Variants in FMO5 observed in about 807,000 individuals in gnomAD.
FMO5 encodes the protein flavin-containing monooxygenase 5.
Under a neutral mutation model 43.6 loss-of-function variants are expected in FMO5, and 51 were observed. The observed-to-expected ratio is 1.17, with a 90% confidence interval of 0.93 to 1.48. The LOEUF (loss-of-function observed/expected upper bound fraction) is 1.48, where lower values mean the gene tolerates loss of function less well. Among genes scored for constraint, FMO5 ranks in the 40% most tolerant of loss-of-function variants. The pLI is 0.00. For missense variants in FMO5, 644 were observed against 643.0 expected, an observed-to-expected ratio of 1.00 and a Z score of -0.02; for synonymous variants, 187 against 216.5, an observed-to-expected ratio of 0.86 and a Z score of 1.20.
chr1:147,191,198 C>T (rs587646191), intron 7 of FMO5, among the ~76,000 whole-genome samples: 1 of 152,200 alleles, frequency 6.6e-6, no homozygotes, highest in African/African-American at 2.4e-5. Flanking sequence ...GGTATATACC[C>T]AGTAATGGGA....
At chr1:147,224,035 G>A (rs782274630) in intron 2 of FMO5, 102 of 415,094 alleles carry the variant, frequency 2.5e-4, no homozygotes, top group Admixed American at 6.1e-4. Context: ...CACACGATGC[G>A]GATCCCATCG....
At chr1:147,223,445 A>T (rs1173183555) in intron 2 of FMO5, 1 of 152,278 alleles carries the variant, frequency 6.6e-6, no homozygotes, top group Non-Finnish European at 1.5e-5. Context: ...ACAATGTGTT[A>T]GTTTTTATGA....
chr1:147,223,975 C>A, intron 2 of FMO5: 1 of 406,930 alleles, frequency 2.5e-6, no homozygotes, highest in South Asian at 1.8e-5. Context: ...CAGGGGTTAA[C>A]ACAATCACCA....
At chr1:147,192,262 T>G (rs1374536689) in intron 7 of FMO5, among the ~76,000 whole-genome samples, 1 of 152,116 alleles carries the variant, frequency 6.6e-6, no homozygotes, top group African/African-American at 2.4e-5. Flanking sequence ...TATTTTATTC[T>G]CTTTGAAGCA....
chr1:147,200,714 G>A (rs868919950), intron 7 of FMO5, among the ~76,000 whole-genome samples: 1 of 151,424 alleles, frequency 6.6e-6, no homozygotes, highest in Non-Finnish European at 1.5e-5. Context: ...CTTAATTTTC[G>A]GCCGAAATAA....
intron 6 of FMO5, chr1:147,204,186 TCATGCCATCAAAAGGACAAGAGTA>T: frequency 7.3e-7 from 1 of 1,361,442 alleles, no homozygotes; most frequent in Non-Finnish European, 1.1e-6. Flanking sequence ...GTTTCTGTTA[TCATGCCATCAAAAGGACAAGAGTA>T]CACTGCTATT....
chr1:147,191,771 C>A (rs1163543644), intron 7 of FMO5, among the ~76,000 whole-genome samples: 3 of 151,994 alleles, frequency 2.0e-5, no homozygotes, highest in Non-Finnish European at 4.4e-5. Flanking sequence ...ATAGGGAATC[C>A]TTTCCCCATT....
intron 8 of FMO5, among the ~76,000 whole-genome samples, chr1:147,188,458 G>A (rs1362746042): frequency 1.4e-5 from 2 of 147,264 alleles, no homozygotes; most frequent in Non-Finnish European, 3.0e-5. Context: ...AGGAAGTGGA[G>A]GTTGCAGTGA....
At chr1:147,208,772 G>T in intron 6 of FMO5, 80 bp downstream of exon 6, 1 of 1,171,790 alleles carries the variant, frequency 8.5e-7, no homozygotes, top group Non-Finnish European at 1.3e-6. Context: ...GGTAGAGGTG[G>T]CTTTACTATT....
At chr1:147,202,750 G>A (rs1659256678) in intron 6 of FMO5, among the ~76,000 whole-genome samples, 3 of 152,092 alleles carry the variant, frequency 2.0e-5, no homozygotes, top group South Asian at 4.1e-4. Flanking sequence ...ACACTAGGTC[G>A]ATTGTGTTCT....
chr1:147,206,340 A>C (rs1553922340), intron 6 of FMO5, among the ~76,000 whole-genome samples: 1 of 152,208 alleles, frequency 6.6e-6, no homozygotes, highest in African/African-American at 2.4e-5. Flanking sequence ...TAGTTCAACC[A>C]TTGTGGAAGA....
At chr1:147,204,706 A>C (rs1659652553) in intron 6 of FMO5, 4 of 1,534,134 alleles carry the variant, frequency 2.6e-6, no homozygotes, top group African/African-American at 2.7e-5. Context: ...CTGTACTTCT[A>C]GTTCTCTTAA....
Position 147,197,876 on chromosome 1 carries a change from A to C in FMO5, c.1183+3276T>G, listed in dbSNP as rs117377337. Among the ~76,000 whole-genome samples the C allele has an allele frequency of 4.2e-3, 637 of 152,298 alleles. 18 individuals carry two copies. The highest frequency in any genetic ancestry group is 0.033 in the Admixed American group (505 of 15,294). ...CAGCCCCTAGCAGAAGGCCTGGTAC[A>C]TACTAAAAGGTCAGTATATGTTATC... On this transcript the variant is annotated intron_variant, in intron 7 of 8. Coordinates refer to ENST00000254090, the MANE Select transcript of FMO5 (RefSeq NM_001461.4).
intron 6 of FMO5, chr1:147,204,301 C>A (rs72708592): frequency 0.031 from 29,825 of 967,318 alleles, 776 homozygotes; most frequent in South Asian, 0.091. Context: ...GGAAGTGATA[C>A]CACAGCCCAG....
In FMO5 at chr1:147,225,001, C is replaced by G; in HGVS notation, c.29G>C (p.Gly10Ala). The change falls in exon 2 of 9, where the codon GGG (glycine) becomes GCG (alanine). Residue 10 changes from glycine (G) to alanine (A), a missense_variant. By Grantham distance (60) the Gly-to-Ala change is moderately conservative (BLOSUM62 0). Coordinates refer to ENST00000254090, the MANE Select transcript of FMO5 (RefSeq NM_001461.4). MTKKRIAVIGGGVSGLSSIK... is the reference protein window; with the variant it reads MTKKRIAVIAGGVSGLSSIK... ...GGAAGAGAGCCCGCTCACTCCTCCC[C>G]CAATCACAGCAATTCTTTTCTTAGT... 1 of 1,614,062 alleles carries G rather than the reference C, an allele frequency of 6.2e-7. No individual in the cohort carries two copies. Among genetic ancestry groups the G allele is most frequent in the South Asian group, 1.1e-5 (1 of 91,078 alleles).
chr1:147,201,593 CAG>C, intron 6 of FMO5, 89 bp from the exon 7 acceptor site: 1 of 900,492 alleles, frequency 1.1e-6, no homozygotes. Context: ...TGGAGGTAAA[CAG>C]GATGCCAATA....
chr1:147,197,783 C>T (rs1175338842), intron 7 of FMO5, among the ~76,000 whole-genome samples: 1 of 152,192 alleles, frequency 6.6e-6, no homozygotes, highest in Admixed American at 6.5e-5. Flanking sequence ...TGGGCTAACA[C>T]AGTCTTCCTT....
chr1:147,201,546 G>A, intron 6 of FMO5, 42 bp from the exon 7 acceptor site: 2 of 1,505,872 alleles, frequency 1.3e-6, no homozygotes, highest in South Asian at 1.2e-5. Flanking sequence ...ATGAGAGAAA[G>A]AGAAATCAGT....
chr1:147,220,924 T>C (rs1401437480), intron 2 of FMO5, among the ~76,000 whole-genome samples: 1 of 116,670 alleles, frequency 8.6e-6, no homozygotes, highest in Non-Finnish European at 1.7e-5. Context: ...TATAATAACA[T>C]AAAATGAGTT....
Sources: allele counts gnomAD v4.1 joint callset (sites outside exome capture counted in the v4.1 genomes callset), GRCh38; gene constraint gnomAD v4.1.1; transcripts MANE v1.5; gene names NCBI Gene and HGNC (gene_info 2026-07-23, HGNC 2026-07-21).